Variants in MRPL13 observed in about 807,000 individuals in gnomAD.
MRPL13 encodes the protein mitochondrial ribosomal protein L13, also known as large ribosomal subunit protein uL13m.
MRPL13 carries 33 observed loss-of-function variants against 29.0 expected under a neutral mutation model. That is an observed-to-expected ratio of 1.14 (90% confidence interval 0.86 to 1.52). The LOEUF is 1.52. Ranked by LOEUF, MRPL13 falls within the 40% of genes most tolerant of loss-of-function variation. MRPL13 has a pLI of 0.00. For missense variants in MRPL13, 227 were observed against 216.7 expected (o/e 1.05, Z -0.30); for synonymous variants, 77 against 68.4 (o/e 1.13, Z -0.62).
chr8:120,440,955 G>A (rs955911928), intron 2 of MRPL13, among the ~76,000 whole-genome samples: 25 of 151,952 alleles, frequency 1.6e-4, no homozygotes, highest in African/African-American at 5.8e-4. Flanking sequence ...GAGAGATGAT[G>A]AGACGTGCCA....
chr8:120,403,533 G>T (rs1272694410), intron 6 of MRPL13, among the ~76,000 whole-genome samples: 1 of 152,110 alleles, frequency 6.6e-6, no homozygotes, highest in African/African-American at 2.4e-5. Flanking sequence ...ATAGCGAATG[G>T]ATGCTGGAGA....
intron 6 of MRPL13, among the ~76,000 whole-genome samples, chr8:120,403,651 A>C (rs117727876): frequency 0.01 from 1,543 of 152,276 alleles, 15 homozygotes; most frequent in Middle Eastern, 0.02. Flanking sequence ...CAAGAAAATA[A>C]ATATTTTGAA....
At chr8:120,440,163 C>T (rs1382048524) in intron 2 of MRPL13, among the ~76,000 whole-genome samples, 1 of 151,968 alleles carries the variant, frequency 6.6e-6, no homozygotes, top group African/African-American at 2.4e-5. Flanking sequence ...TTTTTTAAAG[C>T]AAGGTAAAGG....
At chr8:120,433,884 A>G (rs1813023406) in intron 2 of MRPL13, among the ~76,000 whole-genome samples, 1 of 152,144 alleles carries the variant, frequency 6.6e-6, no homozygotes, top group Non-Finnish European at 1.5e-5. Flanking sequence ...AAAACTGCAC[A>G]TTTAATATAT....
At chr8:120,416,013 T>C (rs1407341809) in intron 5 of MRPL13, 1 of 152,218 alleles carries the variant, frequency 6.6e-6, no homozygotes, top group Non-Finnish European at 1.5e-5. Context: ...GAATTTTGAA[T>C]ACAATGAGCC....
At chr8:120,444,219 T>C (rs114101652) in intron 1 of MRPL13, among the ~76,000 whole-genome samples, 2,081 of 152,252 alleles carry the variant, frequency 0.014, 42 homozygotes, top group African/African-American at 0.046. Context: ...GGTTTTAAAA[T>C]TTTTATTTTA....
chr8:120,424,176 T>C (rs1211861782), intron 4 of MRPL13, among the ~76,000 whole-genome samples: 3 of 152,104 alleles, frequency 2.0e-5, no homozygotes, highest in Non-Finnish European at 2.9e-5. Context: ...TCAGAACAAA[T>C]AGACCTCAAG....
chr8:120,436,961 G>A (rs1813061450), intron 2 of MRPL13, among the ~76,000 whole-genome samples: 1 of 152,086 alleles, frequency 6.6e-6, no homozygotes, highest in East Asian at 1.9e-4. Flanking sequence ...GATCAGATAG[G>A]TTACCATAAA....
In MRPL13 at chr8:120,396,009, T is replaced by C; in HGVS notation, c.*95A>G. 1 of 1,028,256 alleles carries C rather than the reference T, an allele frequency of 9.7e-7. No homozygotes were observed. The highest frequency in any genetic ancestry group is 1.5e-6 in the Non-Finnish European group (1 of 685,058). 63.7% of individuals were successfully genotyped at this position (1,028,256 alleles called of 1,614,324 possible). On this transcript the variant is annotated 3_prime_UTR_variant, in exon 7 of 7. Coordinates refer to ENST00000306185, the MANE Select transcript of MRPL13 (RefSeq NM_014078.6). ...TCGGCACATAAAACAGGTGCTGAAC[T>C]GTAGCAGTTGTTTTACTCCATCCTG...
intron 2 of MRPL13, among the ~76,000 whole-genome samples, chr8:120,435,062 T>C (rs1333341045): frequency 6.6e-6 from 1 of 152,188 alleles, no homozygotes; most frequent in African/African-American, 2.4e-5. Context: ...CCAATTCAGC[T>C]TGCTGAGAGT....
At chr8:120,425,188 G>C (rs1280773809) in intron 4 of MRPL13, 118 bp downstream of exon 4, 1 of 698,700 alleles carries the variant, frequency 1.4e-6, no homozygotes, top group African/African-American at 1.8e-5. Context: ...TACAGCTAAA[G>C]TGAAGAATTT....
chr8:120,434,477 G>A (rs2130481970), intron 2 of MRPL13, among the ~76,000 whole-genome samples: 1 of 152,210 alleles, frequency 6.6e-6, no homozygotes, highest in Middle Eastern at 3.4e-3. Flanking sequence ...TGGCTAATAA[G>A]TGGTAAAGTT....
chr8:120,427,191 T>A (rs1812939842), intron 3 of MRPL13, among the ~76,000 whole-genome samples: 1 of 152,120 alleles, frequency 6.6e-6, no homozygotes, highest in Non-Finnish European at 1.5e-5. Flanking sequence ...TAGAAAGTGA[T>A]AAAGTAACAC....
intron 6 of MRPL13, among the ~76,000 whole-genome samples, chr8:120,411,591 C>A (rs1449934155): frequency 6.6e-6 from 1 of 152,138 alleles, no homozygotes; most frequent in Non-Finnish European, 1.5e-5. Context: ...CCTATACTAT[C>A]CATACGTTTC....
At chr8:120,430,469 T>C (rs1057148656) in intron 3 of MRPL13, among the ~76,000 whole-genome samples, 1 of 152,134 alleles carries the variant, frequency 6.6e-6, no homozygotes, top group Admixed American at 6.6e-5. Context: ...TGTAATACAG[T>C]GTTATGAGCA....
intron 4 of MRPL13, among the ~76,000 whole-genome samples, 157 bp downstream of exon 4, chr8:120,425,149 A>C (rs1028203920): frequency 1.3e-5 from 2 of 152,194 alleles, no homozygotes; most frequent in Admixed American, 6.6e-5. Flanking sequence ...GTTGAATATT[A>C]AAAATAATAC....
Position 120,432,087 on chromosome 8 carries a change from CTT to C in MRPL13, c.186_187del (p.Arg63ThrfsTer25). ...TTTGTTTCCAGAAAATGCAATGTGT[CTT>C]GTGTTCATTATAACAACATGATCCC... On this transcript the variant is annotated frameshift_variant, in exon 3 of 7. Transcript: ENST00000306185. LOFTEE classifies it high-confidence loss of function. The C allele has an allele frequency of 6.2e-7, 1 of 1,607,468 alleles. No individual in the cohort carries two copies. The highest frequency in any genetic ancestry group is 8.5e-7 in the Non-Finnish European group (1 of 1,176,966).
chr8:120,398,457 A>ACAACAT (rs1379371851), intron 6 of MRPL13, among the ~76,000 whole-genome samples: 1 of 152,222 alleles, frequency 6.6e-6, no homozygotes, highest in Non-Finnish European at 1.5e-5. Context: ...AGTAACAACA[A>ACAACAT]CAACATCAAC....
At chr8:120,398,088 A>G (rs1196530858) in intron 6 of MRPL13, among the ~76,000 whole-genome samples, 1 of 152,212 alleles carries the variant, frequency 6.6e-6, no homozygotes, top group East Asian at 1.9e-4. Flanking sequence ...CAGTTGAAGC[A>G]GTCCGGATGG....
Sources: allele counts gnomAD v4.1 joint callset (sites outside exome capture counted in the v4.1 genomes callset), GRCh38; gene constraint gnomAD v4.1.1; transcripts MANE v1.5; gene names NCBI Gene and HGNC (gene_info 2026-07-23, HGNC 2026-07-21).